The following STS variants were observed in gnomAD, a reference collection of about 807,000 sequenced individuals.
STS encodes the protein steryl-sulfatase.
In STS, 7 loss-of-function variants were observed where a neutral mutation model predicts 26.8. The ratio of observed to expected loss-of-function variants is 0.26; its 90% CI spans 0.15 to 0.49. The LOEUF (loss-of-function observed/expected upper bound fraction) is 0.49. Ranked by LOEUF, STS falls within the 20% of genes least tolerant of loss-of-function variation. STS has a pLI of 0.98. For synonymous variants in STS, 199 were observed against 189.4 expected (o/e 1.05, Z -0.42); for missense variants, 434 against 465.6 (o/e 0.93, Z 0.63).
At chrX:7,334,911 C>A (rs972719050) in intron 10 of STS, among the ~76,000 whole-genome samples, 1 of 112,172 alleles carries the variant, frequency 8.9e-6, no homozygotes, top group Admixed American at 9.4e-5. Context: ...CATACAGGAA[C>A]AAATGGTTTA....
intron 2 of STS, among the ~76,000 whole-genome samples, chrX:7,202,493 G>A (rs1178102348): frequency 1.8e-5 from 2 of 111,813 alleles, no homozygotes; most frequent in Admixed American, 9.5e-5. Flanking sequence ...CTCCTCTTCC[G>A]GGGAAGGGGA....
At chrX:7,202,966 C>A (rs758284085) in intron 2 of STS, among the ~76,000 whole-genome samples, 2 of 111,095 alleles carry the variant, frequency 1.8e-5, no homozygotes, top group African/African-American at 3.3e-5. Flanking sequence ...CTATCCACGT[C>A]CCTGTCTCTC....
intron 7 of STS, among the ~76,000 whole-genome samples, chrX:7,282,016 G>A (rs11095451): frequency 1.2e-4 from 14 of 112,177 alleles, no homozygotes; most frequent in Non-Finnish European, 2.1e-4. Flanking sequence ...ACAAAACGCA[G>A]ATTAATTGGA....
chrX:7,175,938 A>T (rs1041066488), intron 1 of STS, among the ~76,000 whole-genome samples: 3 of 111,106 alleles, frequency 2.7e-5, no homozygotes, highest in African/African-American at 9.8e-5. Context: ...TAGGACTTTA[A>T]CAATAATACA....
intron 7 of STS, among the ~76,000 whole-genome samples, chrX:7,280,574 T>C (rs1205605879): frequency 8.9e-6 from 1 of 112,073 alleles, no homozygotes; most frequent in Non-Finnish European, 1.9e-5. Flanking sequence ...ATTCTGGCTG[T>C]TTCTCTTCCT....
intron 5 of STS, 34 bp from the exon 6 acceptor site, chrX:7,259,315 T>C: frequency 8.4e-7 from 1 of 1,186,419 alleles, no homozygotes; most frequent in Non-Finnish European, 1.1e-6. Context: ...GGGTGTTTAT[T>C]GGGACTGAAG....
chrX:7,241,972 T>C (rs1922640431), intron 2 of STS, among the ~76,000 whole-genome samples: 1 of 111,503 alleles, frequency 9.0e-6, no homozygotes, highest in Non-Finnish European at 1.9e-5. Context: ...TCTCTCTTTT[T>C]CTTATAACAT....
In STS at chrX:7,349,942, C is replaced by T. The variant is rs766689052; in HGVS notation, c.1418C>T (p.Ser473Phe). Residue 473 changes from serine (S) to phenylalanine (F), a missense_variant, in exon 11 of 11, where the codon TCC becomes TTC. Around this residue, in one of 2 missense-constraint regions of STS, gnomAD observed 205 missense variants for 177.3 expected, o/e 1.16. Transcript: ENST00000674429. ...FFTPNFNPVG[S>F]NGCFATHVCF... is the part of the protein sequence containing the mutation. Reference sequence around the variant, plus strand: ...ACCCCCAACTTCAACCCCGTGGGTTCCAACGGATGCTTTGCCACACACGTG... The same window carrying T: ...ACCCCCAACTTCAACCCCGTGGGTTTCAACGGATGCTTTGCCACACACGTG... 2 of 1,211,836 alleles carry T rather than the reference C, an allele frequency of 1.7e-6. No homozygotes were observed. Among genetic ancestry groups the T allele is most frequent in the South Asian group, 1.8e-5 (1 of 56,998 alleles).
intron 8 of STS, among the ~76,000 whole-genome samples, chrX:7,324,063 C>G (rs1259567243): frequency 9.0e-6 from 1 of 111,074 alleles, no homozygotes; most frequent in Non-Finnish European, 1.9e-5. Flanking sequence ...CTAAGTTGTT[C>G]TGGCTACAGC....
intron 10 of STS, among the ~76,000 whole-genome samples, chrX:7,342,673 A>G (rs1255088465): frequency 3.6e-5 from 4 of 112,524 alleles, no homozygotes; most frequent in African/African-American, 1.3e-4. Flanking sequence ...ATTATATATC[A>G]GCCAAGGGCT....
intron 2 of STS, among the ~76,000 whole-genome samples, chrX:7,251,445 T>C (rs1185091886): frequency 9.0e-6 from 1 of 111,161 alleles, no homozygotes. Context: ...GGGAGCTGTC[T>C]GCATGCACCA....
chrX:7,238,222 A>C (rs1922423271), intron 2 of STS, among the ~76,000 whole-genome samples: 1 of 99,091 alleles, frequency 1.0e-5, no homozygotes, highest in Non-Finnish European at 2.1e-5. Context: ...AGATAGATAG[A>C]TAGCACATTG....
intron 6 of STS, among the ~76,000 whole-genome samples, chrX:7,271,140 C>T (rs190034605): frequency 2.3e-3 from 250 of 110,746 alleles, no homozygotes; most frequent in Non-Finnish European, 3.9e-3. Flanking sequence ...CACTCACATC[C>T]TGTATGACCA....
At chrX:7,332,600 G>A (rs773098733) in intron 9 of STS, among the ~76,000 whole-genome samples, 75 of 110,929 alleles carry the variant, frequency 6.8e-4, no homozygotes, top group African/African-American at 2.3e-3. Flanking sequence ...TTTCACCACT[G>A]GGGGCTTTTC....
At position 7,264,074 on chromosome X, in the gene STS, G is replaced by A. The variant is rs1444101327; in HGVS notation, c.806+4302G>A. 8.1e-5 allele frequency among the ~76,000 whole-genome samples: 9 copies of A among 111,661 alleles called. No individual in the cohort carries two copies. In the Admixed American group the frequency reaches 8.6e-4, roughly 11 times the overall value. ...TTTGTCATGATTTTCACAGGTTTGG[G>A]CTGACAGGCACTTGCTGGAGGGGTT... is the stretch of plus-strand genomic sequence containing the variant. On this transcript the variant is annotated intron_variant, in intron 6 of 10. Transcript: ENST00000674429.
intron 10 of STS, among the ~76,000 whole-genome samples, chrX:7,347,244 C>T (rs1256982837): frequency 1.3e-4 from 14 of 111,249 alleles, no homozygotes; most frequent in Admixed American, 3.8e-4. Flanking sequence ...GGGGTTGTTA[C>T]CTTGTGAGCC....
At chrX:7,292,499 G>T (rs750146959) in intron 7 of STS, among the ~76,000 whole-genome samples, 1 of 112,188 alleles carries the variant, frequency 8.9e-6, no homozygotes, top group African/African-American at 3.2e-5. Context: ...ATATGGATTT[G>T]CATAAAAGCA....
intron 10 of STS, among the ~76,000 whole-genome samples, chrX:7,346,778 T>G (rs1174043637): frequency 8.9e-6 from 1 of 112,623 alleles, no homozygotes; most frequent in Non-Finnish European, 1.9e-5. Context: ...ATGAAAAATA[T>G]AAGATGATGC....
intron 10 of STS, among the ~76,000 whole-genome samples, chrX:7,339,906 T>C (rs781610401): frequency 9.0e-6 from 1 of 111,282 alleles, no homozygotes; most frequent in Non-Finnish European, 1.9e-5. Flanking sequence ...CGTTCACTTT[T>C]CAACCAAAGT....
Sources: allele counts gnomAD v4.1 joint callset (sites outside exome capture counted in the v4.1 genomes callset), GRCh38; gene constraint gnomAD v4.1.1; regional missense constraint gnomAD v4.1.1; transcripts MANE v1.5; gene names NCBI Gene and HGNC (gene_info 2026-07-23, HGNC 2026-07-21).